Variants in RHOBTB1 observed in about 807,000 individuals in gnomAD.
RHOBTB1 encodes Rho related BTB domain containing 1.
In RHOBTB1, 40 loss-of-function variants were observed where a neutral mutation model predicts 71.6. The ratio of observed to expected loss-of-function variants is 0.56; its 90% CI spans 0.43 to 0.73. RHOBTB1 has a LOEUF of 0.73. Ranked by LOEUF, RHOBTB1 falls within the 30% of genes least tolerant of loss-of-function variation. The pLI, the probability that RHOBTB1 is intolerant of heterozygous loss-of-function variation, is 0.00. For synonymous variants in RHOBTB1, 319 were observed against 334.9 expected, an observed-to-expected ratio of 0.95 and a Z score of 0.52; for missense variants, 797 against 894.0, an observed-to-expected ratio of 0.89 and a Z score of 1.38.
intron 4 of RHOBTB1, among the ~76,000 whole-genome samples, chr10:60,896,168 C>T (rs1030201812): frequency 1.3e-5 from 2 of 152,232 alleles, no homozygotes; most frequent in African/African-American, 4.8e-5. Flanking sequence ...TTAATCAAAA[C>T]ATTCATTCCC....
intron 2 of RHOBTB1, among the ~76,000 whole-genome samples, chr10:60,979,587 A>G (rs1051856386): frequency 6.6e-6 from 1 of 152,204 alleles, no homozygotes; most frequent in Non-Finnish European, 1.5e-5. Context: ...CAATTTAACC[A>G]ATACCAGGCA....
intron 2 of RHOBTB1, among the ~76,000 whole-genome samples, chr10:60,921,783 G>A (rs965942071): frequency 2.6e-5 from 4 of 152,210 alleles, no homozygotes; most frequent in South Asian, 2.1e-4. Flanking sequence ...AAGCAGCAGC[G>A]TGTGGCTAAG....
chr10:60,989,766 A>G (rs1051862379), intron 1 of RHOBTB1, among the ~76,000 whole-genome samples: 2 of 152,080 alleles, frequency 1.3e-5, no homozygotes, highest in African/African-American at 4.8e-5. Flanking sequence ...GTGCTCTGTG[A>G]TGTCCTAGGC....
chr10:60,915,168 A>G (rs1439628794), intron 2 of RHOBTB1, among the ~76,000 whole-genome samples: 2 of 152,194 alleles, frequency 1.3e-5, no homozygotes, highest in Admixed American at 1.3e-4. Flanking sequence ...AGAAACATTA[A>G]ATTATGGTAG....
Position 60,910,867 on chromosome 10 carries a change from C to T in RHOBTB1, c.296+20G>A, listed in dbSNP as rs781751592. On this transcript the variant is annotated intron_variant, in intron 4 of 10. Coordinates refer to ENST00000337910, the MANE Select transcript of RHOBTB1 (RefSeq NM_014836.5). ...GAAATTGCATTCAAGCTCAACCACG[C>T]TGTACTAGTCTTGGTTTACCTGCCA... 6.4e-7 allele frequency: 1 copy of T among 1,568,908 alleles called. No homozygotes were observed. Among genetic ancestry groups the T allele is most frequent in the Admixed American group, 1.7e-5 (1 of 59,912 alleles).
chr10:60,911,238 G>C, intron 3 of RHOBTB1, 113 bp downstream of exon 3: 1 of 1,088,494 alleles, frequency 9.2e-7, no homozygotes, highest in Non-Finnish European at 1.3e-6. Context: ...CACTAAAAAG[G>C]TTAGTTTTGT....
intron 7 of RHOBTB1, among the ~76,000 whole-genome samples, chr10:60,883,299 C>T (rs954112237): frequency 6.6e-6 from 1 of 152,224 alleles, no homozygotes; most frequent in African/African-American, 2.4e-5. Flanking sequence ...AAACAGGTGG[C>T]CTCCTCCAGG....
chr10:60,972,835 T>C (rs1331272852), intron 2 of RHOBTB1, among the ~76,000 whole-genome samples: 1 of 152,036 alleles, frequency 6.6e-6, no homozygotes, highest in Non-Finnish European at 1.5e-5. Flanking sequence ...GACAGCCTTG[T>C]CAAATGCAAT....
chr10:60,868,789 G>T (rs1300548494), downstream of RHOBTB1, among the ~76,000 whole-genome samples: 1 of 152,146 alleles, frequency 6.6e-6, no homozygotes, highest in Non-Finnish European at 1.5e-5. Context: ...GAAGAAACCG[G>T]TATACTTTAT....
chr10:60,930,452 G>C (rs1043464931), intron 2 of RHOBTB1, among the ~76,000 whole-genome samples: 4 of 152,206 alleles, frequency 2.6e-5, no homozygotes, highest in African/African-American at 9.6e-5. Context: ...CCAGAGAAAT[G>C]CTGCTATTAT....
chr10:60,873,146 C>T (rs1465984296), intron 9 of RHOBTB1, among the ~76,000 whole-genome samples: 1 of 152,214 alleles, frequency 6.6e-6, no homozygotes, highest in Admixed American at 6.5e-5. Flanking sequence ...ACAACCCAAA[C>T]ATCAGAGACA....
chr10:61,001,422 G>A (rs926992387), exon 1 of RHOBTB1: 2 of 151,546 alleles, frequency 1.3e-5, no homozygotes, highest in African/African-American at 4.8e-5. Flanking sequence ...AAGCTCCCGC[G>A]GCGGCTCTGG....
chr10:60,925,874 C>G (rs999889067), intron 2 of RHOBTB1, among the ~76,000 whole-genome samples: 6 of 152,106 alleles, frequency 3.9e-5, no homozygotes, highest in South Asian at 2.1e-4. Flanking sequence ...AATACAAAAT[C>G]TGAATAGACC....
rs570316106 is a variant in RHOBTB1 at position 60,931,220 on chromosome 10, A to G, written c.-11+10584T>C. Among the ~76,000 whole-genome samples, 11 of 152,298 alleles carry G rather than the reference A, an allele frequency of 7.2e-5. No individual in the cohort carries two copies. The South Asian group carries it at 2.1e-3, about 29-fold the overall frequency. ...GCTACACATCTCATTCTTTTAAAGT[A>G]TACAATTCAGTGGTGTTTATGATAT... On this transcript the variant is annotated intron_variant, in intron 2 of 10. Coordinates refer to ENST00000337910, the MANE Select transcript of RHOBTB1 (RefSeq NM_014836.5).
At chr10:60,973,067 A>G (rs2086212650) in intron 2 of RHOBTB1, among the ~76,000 whole-genome samples, 1 of 152,128 alleles carries the variant, frequency 6.6e-6, no homozygotes, top group Admixed American at 6.6e-5. Flanking sequence ...TTGATTGCAT[A>G]TCATTATATA....
intron 2 of RHOBTB1, among the ~76,000 whole-genome samples, chr10:60,914,359 G>A (rs2083157908): frequency 6.6e-6 from 1 of 152,192 alleles, no homozygotes; most frequent in South Asian, 2.1e-4. Context: ...GTAGTAGCCT[G>A]AATCAGAAAC....
At chr10:60,938,884 A>G (rs1460382597) in intron 2 of RHOBTB1, among the ~76,000 whole-genome samples, 1 of 152,096 alleles carries the variant, frequency 6.6e-6, no homozygotes, top group African/African-American at 2.4e-5. Context: ...GCTGTAATTT[A>G]GTTAACGTGT....
intron 2 of RHOBTB1, among the ~76,000 whole-genome samples, chr10:60,932,851 A>G (rs1186311621): frequency 1.3e-5 from 2 of 152,222 alleles, no homozygotes; most frequent in African/African-American, 4.8e-5. Context: ...ACCCATATTC[A>G]TGAAGAAAAG....
At chr10:60,885,819 G>A (rs986413618) in intron 7 of RHOBTB1, among the ~76,000 whole-genome samples, 8 of 152,158 alleles carry the variant, frequency 5.3e-5, no homozygotes, top group Non-Finnish European at 1.0e-4. Context: ...CTTCATGGAT[G>A]AGGACGGCTC....
Sources: gnomAD v4.1 joint callset for allele counts (sites outside exome capture counted in the v4.1 genomes callset) on GRCh38, gnomAD v4.1.1 for gene constraint, MANE v1.5 for transcripts, NCBI Gene and HGNC (gene_info 2026-07-23, HGNC 2026-07-21) for gene names.